The following DNAH12 variants were observed in gnomAD, a reference collection of about 807,000 sequenced individuals.
DNAH12 encodes the protein dynein axonemal heavy chain 12, also known as axonemal beta dynein heavy chain 12.
Under a neutral mutation model 371.5 loss-of-function variants are expected in DNAH12, and 285 were observed. The observed-to-expected ratio is 0.77, with a 90% CI of 0.70 to 0.85. The LOEUF (loss-of-function observed/expected upper bound fraction) is 0.85. Ranked by LOEUF, DNAH12 falls within the 40% of genes least tolerant of loss-of-function variation. The pLI, the probability that DNAH12 is intolerant of heterozygous loss-of-function variation, is 0.00. For synonymous variants in DNAH12, 1,200 were observed against 1,213.0 expected (o/e 0.99, Z 0.22); for missense variants, 3,611 against 3,689.4 (o/e 0.98, Z 0.55).
intron 53 of DNAH12, among the ~76,000 whole-genome samples, chr3:57,376,223 A>G (rs1348137849): frequency 1.3e-5 from 2 of 150,754 alleles, no homozygotes; most frequent in African/African-American, 4.9e-5. Context: ...CAGAAAAAGA[A>G]AAAAAAAAAC....
intron 2 of DNAH12, among the ~76,000 whole-genome samples, chr3:57,535,330 A>G (rs1343224196): frequency 1.3e-5 from 2 of 152,182 alleles, no homozygotes; most frequent in African/African-American, 2.4e-5. Context: ...GATCAATGTC[A>G]CTATCAAAGA....
chr3:57,420,023 T>C (rs1270875236), intron 36 of DNAH12, among the ~76,000 whole-genome samples: 10 of 152,222 alleles, frequency 6.6e-5, no homozygotes, highest in Non-Finnish European at 1.5e-4. Context: ...ATAAAACCAC[T>C]ATATTTGTTT....
chr3:57,550,758 G>A, the DNAH12 span, among the ~76,000 whole-genome samples: 1 of 151,708 alleles, frequency 6.6e-6, no homozygotes, highest in African/African-American at 2.4e-5. Flanking sequence ...CCTGACCTCA[G>A]GTGATCCACC....
chr3:57,302,061 C>CACATGGGAGG, intron 69 of DNAH12, 122 bp from the exon 70 acceptor site: 1 of 996,646 alleles, frequency 1.0e-6, no homozygotes, highest in Non-Finnish European at 1.5e-6. Flanking sequence ...AATGTGTCAC[C>CACATGGGAGG]TCCCATGTGG....
intron 62 of DNAH12, among the ~76,000 whole-genome samples, chr3:57,331,618 C>G (rs768484181): frequency 1.3e-5 from 2 of 152,000 alleles, no homozygotes; most frequent in Non-Finnish European, 2.9e-5. Context: ...TTTACTAAAA[C>G]GGTAAAATTT....
At chr3:57,483,157 C>T (rs28673935) in intron 13 of DNAH12, among the ~76,000 whole-genome samples, 2 of 150,714 alleles carry the variant, frequency 1.3e-5, no homozygotes, top group African/African-American at 4.9e-5. Flanking sequence ...AACTGGAAAC[C>T]TCTAGAAGAG....
chr3:57,541,206 A>AT (rs1432173904), intron 2 of DNAH12, among the ~76,000 whole-genome samples: 2 of 151,536 alleles, frequency 1.3e-5, no homozygotes, highest in Non-Finnish European at 2.9e-5. Context: ...CGCCAAGCTA[A>AT]TTTTTTGTAT....
At chr3:57,452,189 C>T (rs898817834) in intron 25 of DNAH12, among the ~76,000 whole-genome samples, 2 of 152,050 alleles carry the variant, frequency 1.3e-5, no homozygotes, top group African/African-American at 4.8e-5. Flanking sequence ...TATTTTGGTG[C>T]CATGTGACTT....
chr3:57,365,498 A>G (rs2063031247), intron 57 of DNAH12, among the ~76,000 whole-genome samples: 1 of 152,126 alleles, frequency 6.6e-6, no homozygotes, highest in South Asian at 2.1e-4. Flanking sequence ...AAAATAGCTA[A>G]TGCATGCTGG....
chr3:57,459,491 G>A (rs781127939), intron 20 of DNAH12, 101 bp downstream of exon 20: 9 of 1,148,048 alleles, frequency 7.8e-6, no homozygotes, highest in African/African-American at 3.1e-5. Context: ...TGTATACAAT[G>A]AGCAAGTTTA....
chr3:57,407,996 A>T (rs1165080833), intron 40 of DNAH12, among the ~76,000 whole-genome samples: 1 of 152,174 alleles, frequency 6.6e-6, no homozygotes, highest in African/African-American at 2.4e-5. Flanking sequence ...TTTTCCTTAT[A>T]ACAACCTTGT....
At chr3:57,300,146 T>C (rs1431311776) in intron 70 of DNAH12, among the ~76,000 whole-genome samples, 1 of 152,214 alleles carries the variant, frequency 6.6e-6, no homozygotes, top group Non-Finnish European at 1.5e-5. Flanking sequence ...TGCTGCCCAC[T>C]GCACTGTTTC....
Position 57,338,201 on chromosome 3 carries a change from C to T in DNAH12, c.9675-3261G>A, listed in dbSNP as rs150568437. 3.0e-3 allele frequency among the ~76,000 whole-genome samples: 460 copies of T among 152,260 alleles called. 1 individual carries two copies. Among genetic ancestry groups the T allele is most frequent in the African/African-American group, 0.01 (427 of 41,552 alleles). On this transcript the variant is annotated intron_variant, in intron 60 of 73. Coordinates refer to ENST00000495027, the MANE Select transcript of DNAH12 (RefSeq NM_001366028.2). The stretch of plus-strand genomic sequence containing the variant: ...CTGGTTTTTGTATTTTTGGTGGAGA[C>T]GGGTTTTGCTGTGTTGGCCGGGCTG...
intron 60 of DNAH12, among the ~76,000 whole-genome samples, chr3:57,342,484 C>CAAAAAAAAAAAAAAA (rs71088060): frequency 9.1e-5 from 6 of 66,044 alleles, no homozygotes; most frequent in African/African-American, 1.7e-4. Flanking sequence ...ACTAAAAATA[C>CAAAAAAAAAAAAAAA]AAAAAAAAAA....
At chr3:57,496,082 T>C (rs973161645) in intron 11 of DNAH12, among the ~76,000 whole-genome samples, 1 of 151,444 alleles carries the variant, frequency 6.6e-6, no homozygotes, top group African/African-American at 2.4e-5. Context: ...AATATCTATG[T>C]ATCCAAAACC....
At chr3:57,491,050 C>T (rs1340111004) in intron 11 of DNAH12, among the ~76,000 whole-genome samples, 1 of 136,314 alleles carries the variant, frequency 7.3e-6, no homozygotes, top group Non-Finnish European at 1.5e-5. Context: ...CCACTGCACT[C>T]CAGCCTGGAA....
intron 30 of DNAH12, among the ~76,000 whole-genome samples, chr3:57,435,231 G>C (rs571611893): frequency 1.3e-5 from 2 of 151,926 alleles, no homozygotes; most frequent in African/African-American, 4.8e-5. Flanking sequence ...AATTAGCTGG[G>C]CGTGATGGCA....
At chr3:57,505,048 T>A (rs371639065) in intron 8 of DNAH12, among the ~76,000 whole-genome samples, 1 of 151,986 alleles carries the variant, frequency 6.6e-6, no homozygotes, top group Non-Finnish European at 1.5e-5. Context: ...CTACCACGCC[T>A]GGCTAATTTT....
intron 58 of DNAH12, among the ~76,000 whole-genome samples, chr3:57,362,581 T>G (rs1284626788): frequency 1.3e-5 from 2 of 152,200 alleles, no homozygotes; most frequent in Admixed American, 1.3e-4. Flanking sequence ...AGATGGTATC[T>G]CATTGTGGTT....
Sources: gnomAD v4.1 joint callset for allele counts (sites outside exome capture counted in the v4.1 genomes callset) on GRCh38, gnomAD v4.1.1 for gene constraint, MANE v1.5 for transcripts, NCBI Gene and HGNC (gene_info 2026-07-23, HGNC 2026-07-21) for gene names.